ATXN10: variants seen among roughly 807,000 people sequenced by gnomAD.
ATXN10 encodes the protein ataxin-10.
Under a neutral mutation model 52.9 loss-of-function variants are expected in ATXN10, and 28 were observed. The observed-to-expected ratio is 0.53, with a 90% CI of 0.39 to 0.73. The LOEUF is 0.73. Among genes scored for constraint, ATXN10 ranks in the 30% least tolerant of loss-of-function variants. The probability of loss-of-function intolerance (pLI) is 0.00; values close to 1 mark genes in which losing one functional copy is unlikely to be tolerated. For synonymous variants in ATXN10, 226 were observed against 221.5 expected (o/e 1.02, Z -0.18); for missense variants, 565 against 577.0 (o/e 0.98, Z 0.21).
rs1348898725 is a variant in ATXN10 at position 45,837,820 on chromosome 22, T to G, written c.1238-5171T>G. Among the ~76,000 whole-genome samples, 1 of 152,226 alleles carries G rather than the reference T, an allele frequency of 6.6e-6. No individual in the cohort carries two copies. The highest frequency in any genetic ancestry group is 1.9e-4 in the East Asian group (1 of 5,198). On this transcript the variant is annotated intron_variant, in intron 10 of 11. Transcript: ENST00000252934. The surrounding 1 kb of genome is among the most constrained non-coding windows in gnomAD (Gnocchi z 5.8). ...ATTTCAAATTTTCATGTGCCAGAAATCAGTATTCTTTAGATTTTTTTCCAA... is the reference window on the plus strand; with the variant it reads ...ATTTCAAATTTTCATGTGCCAGAAAGCAGTATTCTTTAGATTTTTTTCCAA...
At chr22:45,697,461 T>A (rs1320366536) in intron 3 of ATXN10, among the ~76,000 whole-genome samples, 1 of 151,488 alleles carries the variant, frequency 6.6e-6, no homozygotes, top group Non-Finnish European at 1.5e-5. Context: ...AGGATACCGT[T>A]TTCATTGAGC....
intron 3 of ATXN10, among the ~76,000 whole-genome samples, chr22:45,697,500 C>G (rs1423726213): frequency 6.6e-6 from 1 of 152,096 alleles, no homozygotes; most frequent in Non-Finnish European, 1.5e-5. Flanking sequence ...TCCCTGTAGC[C>G]CCTGGCAACC....
chr22:45,839,392 C>T (rs954677020), intron 10 of ATXN10, among the ~76,000 whole-genome samples: 1 of 152,204 alleles, frequency 6.6e-6, no homozygotes, highest in African/African-American at 2.4e-5. Context: ...ATATTTTGTT[C>T]CTGAAGTAGT....
Position 45,683,133 on chromosome 22 carries a change from AC to A in ATXN10, c.117-6578del, listed in dbSNP as rs1254284669. Among the ~76,000 whole-genome samples, 2 of 152,216 alleles carry A rather than the reference AC, an allele frequency of 1.3e-5. No homozygotes were observed. The highest frequency in any genetic ancestry group is 2.9e-5 in the Non-Finnish European group (2 of 68,040). On this transcript the variant is annotated intron_variant, in intron 1 of 11. Coordinates refer to ENST00000252934, the MANE Select transcript of ATXN10 (RefSeq NM_013236.4). This position sits in a 1 kb window ranked among gnomAD's most constrained non-coding sequence, Gnocchi z 4.8. ...CAGGAGTTTGAGACCAGCCTGGCCAACATGGTGAAACCCCATCTCTACTAAA... is the reference window on the plus strand; with the variant it reads ...CAGGAGTTTGAGACCAGCCTGGCCAAATGGTGAAACCCCATCTCTACTAAA...
In ATXN10 at chr22:45,677,814, A is replaced by G. The variant is rs913943495; in HGVS notation, c.116+5635A>G. ...ATTATCCAAAAAATGGAAAAGAACA[A>G]GTATCGTTGAGGATGTGGGGAAATG... On this transcript the variant is annotated intron_variant, in intron 1 of 11. Transcript: ENST00000252934. This position sits in a 1 kb window ranked among gnomAD's most constrained non-coding sequence, Gnocchi z 4.1. 2 of 152,240 alleles carry G rather than the reference A, an allele frequency of 1.3e-5. No individual in the cohort carries two copies. The highest frequency in any genetic ancestry group is 2.9e-5 in the Non-Finnish European group (2 of 68,042). The allele number at this position is 152,240 out of a possible 1,614,324, so 9.4% of individuals were successfully genotyped here.
rs145258353 is a variant in ATXN10 at position 45,688,616 on chromosome 22, G to C, written c.117-1096G>C. On this transcript the variant is annotated intron_variant, in intron 1 of 11. Transcript: ENST00000252934. The surrounding 1 kb of genome is among the most constrained non-coding windows in gnomAD (Gnocchi z 4.0). ...GCCCCCGGAAAAGGGGCTTCCATAG[G>C]TGTCTTCTGCGGCAACTGAGCAGCT... Among the ~76,000 whole-genome samples, 1 of 152,326 alleles carries C rather than the reference G, an allele frequency of 6.6e-6. No homozygotes were observed. Among genetic ancestry groups the C allele is most frequent in the African/African-American group, 2.4e-5 (1 of 41,582 alleles).
In ATXN10 at chr22:45,835,743, T is replaced by C. The variant is rs180709492; in HGVS notation, c.1238-7248T>C. Among the ~76,000 whole-genome samples the C allele has an allele frequency of 1.8e-3, 276 of 152,348 alleles. 9 individuals carry two copies. The East Asian group carries it at 0.049, about 27-fold the overall frequency. On this transcript the variant is annotated intron_variant, in intron 10 of 11. Transcript: ENST00000252934. The surrounding 1 kb of genome is among the most constrained non-coding windows in gnomAD (Gnocchi z 5.0). ...CCTCCGGAAAGACTGAAACTGCTCT[T>C]TCTTATAGTGTGTATTAAATGCAAA...
rs530419760 is a variant in ATXN10, at chr22:45,805,248, A to G, written c.1174-1711A>G. Among the ~76,000 whole-genome samples, 19 of 152,314 alleles carry G rather than the reference A, an allele frequency of 1.2e-4. No individual in the cohort carries two copies. Among genetic ancestry groups the G allele is most frequent in the Non-Finnish European group, 2.5e-4 (17 of 68,026 alleles). ...TGTGGAGATGCTGGAACCCTCATAA[A>G]TTGCTGGGTGAAAATGTAAAATACT... On this transcript the variant is annotated intron_variant, in intron 9 of 11. Coordinates refer to ENST00000252934, the MANE Select transcript of ATXN10 (RefSeq NM_013236.4). This position sits in a 1 kb window ranked among gnomAD's most constrained non-coding sequence, Gnocchi z 4.4.
chr22:45,730,756 A>C (rs1362778481), intron 7 of ATXN10, among the ~76,000 whole-genome samples: 1 of 152,138 alleles, frequency 6.6e-6, no homozygotes, highest in East Asian at 1.9e-4. Context: ...TCTTATTTCT[A>C]CTTATTTTAG....
At chr22:45,703,234 A>T (rs1181035250) in intron 5 of ATXN10, among the ~76,000 whole-genome samples, 1 of 152,188 alleles carries the variant, frequency 6.6e-6, no homozygotes, top group East Asian at 1.9e-4. Context: ...TGCAGATGAG[A>T]TAGAGACTGC....
rs1208485060 is a variant in ATXN10, at chr22:45,841,412, G to C, written c.1238-1579G>C. ...GCAGGTCATTCACTCAGCACATGTT[G>C]GTTGGTCCTTTGCTTTGTGCCAGGC... is the stretch of plus-strand genomic sequence containing the variant. On this transcript the variant is annotated intron_variant, in intron 10 of 11. Transcript: ENST00000252934. This position sits in a 1 kb window ranked among gnomAD's most constrained non-coding sequence, Gnocchi z 5.1. Among the ~76,000 whole-genome samples, 7 of 152,184 alleles carry C rather than the reference G, an allele frequency of 4.6e-5. No individual in the cohort carries two copies. Among genetic ancestry groups the C allele is most frequent in the Admixed American group, 1.3e-4 (2 of 15,284 alleles).
intron 9 of ATXN10, among the ~76,000 whole-genome samples, chr22:45,773,358 T>C (rs1926839849): frequency 6.6e-6 from 1 of 152,158 alleles, no homozygotes; most frequent in South Asian, 2.1e-4. Context: ...GTCACAAGCC[T>C]TATTTGATCA....
chr22:45,675,546 A>G (rs1922650316), intron 1 of ATXN10: 1 of 152,272 alleles, frequency 6.6e-6, no homozygotes, highest in African/African-American at 2.4e-5. Flanking sequence ...TGTCATGAGG[A>G]CACTCAAGCA....
chr22:45,747,940 G>C (rs1053404828), intron 9 of ATXN10, among the ~76,000 whole-genome samples: 1 of 151,308 alleles, frequency 6.6e-6, no homozygotes, highest in African/African-American at 2.4e-5. Flanking sequence ...TAAATAGCCG[G>C]TATTTCCAGT....
chr22:45,794,342 T>A (rs960791429), intron 9 of ATXN10, among the ~76,000 whole-genome samples: 1 of 152,186 alleles, frequency 6.6e-6, no homozygotes, highest in Non-Finnish European at 1.5e-5. Flanking sequence ...CTCAGAAATA[T>A]CTATTTCATC....
chr22:45,813,053 C>T (rs945706531), intron 10 of ATXN10, among the ~76,000 whole-genome samples: 21 of 152,134 alleles, frequency 1.4e-4, no homozygotes, highest in Non-Finnish European at 7.3e-5. Context: ...TCTGAAGGAC[C>T]GCCCTGACTG....
At chr22:45,723,836 A>C (rs1009966187) in intron 6 of ATXN10, among the ~76,000 whole-genome samples, 3 of 151,978 alleles carry the variant, frequency 2.0e-5, no homozygotes, top group African/African-American at 7.2e-5. Flanking sequence ...CTTGCCTGTT[A>C]TCCCAGCTAC....
chr22:45,797,850 C>T lies in ATXN10; in HGVS notation c.1174-9109C>T, dbSNP rs185628065. Among the ~76,000 whole-genome samples, 23 of 152,198 alleles carry T rather than the reference C, an allele frequency of 1.5e-4. No individual in the cohort carries two copies. The East Asian group carries it at 4.4e-3, about 29-fold the overall frequency. The stretch of plus-strand genomic sequence containing the variant: ...GACACAAAATATAAATGACCTCTAT[C>T]AGCAGTGAAAGAGGAGACATCATTA... On this transcript the variant is annotated intron_variant, in intron 9 of 11. Coordinates refer to ENST00000252934, the MANE Select transcript of ATXN10 (RefSeq NM_013236.4).
chr22:45,791,045 G>A (rs9626447), intron 9 of ATXN10, among the ~76,000 whole-genome samples: 1,696 of 152,240 alleles, frequency 0.011, 39 homozygotes, highest in African/African-American at 0.039. Context: ...TATTTGTTGA[G>A]ATGGGGTCTC....
Sources: allele counts gnomAD v4.1 joint callset (sites outside exome capture counted in the v4.1 genomes callset), GRCh38; gene constraint gnomAD v4.1.1; non-coding constraint Gnocchi (gnomAD v3.1); transcripts MANE v1.5; gene names NCBI Gene and HGNC (gene_info 2026-07-23, HGNC 2026-07-21).